ARPC2: variants seen among roughly 807,000 people sequenced by gnomAD.
The protein encoded by ARPC2 is actin related protein 2/3 complex subunit 2.
Under a neutral mutation model 38.6 loss-of-function variants are expected in ARPC2, and 4 were observed. That is an observed-to-expected ratio of 0.10 (90% CI 0.05 to 0.24). The LOEUF (loss-of-function observed/expected upper bound fraction) is 0.24, where lower values mean the gene tolerates loss of function less well. Among genes scored for constraint, ARPC2 ranks in the 10% least tolerant of loss-of-function variants. The probability of loss-of-function intolerance (pLI) is 1.00; values close to 1 mark genes in which losing one functional copy is unlikely to be tolerated. For synonymous variants in ARPC2, 125 were observed against 140.8 expected (o/e 0.89, Z 0.79); for missense variants, 229 against 387.3 (o/e 0.59, Z 3.43).
chr2:218,224,217 G>GT (rs1689446303), intron 2 of ARPC2, among the ~76,000 whole-genome samples: 3 of 152,306 alleles, frequency 2.0e-5, no homozygotes, highest in African/African-American at 7.2e-5. Context: ...CTCAAAGTGT[G>GT]TATGACTTGG....
intron 10 of ARPC2, among the ~76,000 whole-genome samples, chr2:218,251,245 C>G (rs1487750457): frequency 6.6e-6 from 1 of 151,714 alleles, no homozygotes; most frequent in East Asian, 1.9e-4. Context: ...GAGTTTCGCT[C>G]TTGAAGCACA....
At chr2:218,228,892 C>T (rs975920702) in intron 4 of ARPC2, 42 bp downstream of exon 4, 1 of 1,317,590 alleles carries the variant, frequency 7.6e-7, no homozygotes. Context: ...TGTTTCCTCA[C>T]CTTTCATTGG....
intron 7 of ARPC2, among the ~76,000 whole-genome samples, chr2:218,241,888 T>A (rs1689924478): frequency 6.6e-6 from 1 of 152,212 alleles, no homozygotes; most frequent in African/African-American, 2.4e-5. Context: ...AGGTAATTTG[T>A]TGGAAATGAC....
chr2:218,245,375 C>T (rs1690007158), intron 7 of ARPC2, 45 bp from the exon 8 acceptor site: 1 of 1,612,548 alleles, frequency 6.2e-7, no homozygotes, highest in African/African-American at 1.3e-5. Flanking sequence ...TGCCACTCAT[C>T]TTACACCCAC....
chr2:218,220,393 T>C (rs1182012556), intron 2 of ARPC2, among the ~76,000 whole-genome samples: 2 of 152,210 alleles, frequency 1.3e-5, no homozygotes, highest in African/African-American at 4.8e-5. Flanking sequence ...GAAATAAAAT[T>C]GAGTTCCTCG....
intron 4 of ARPC2, among the ~76,000 whole-genome samples, chr2:218,232,027 G>C (rs770883700): frequency 3.3e-5 from 5 of 152,126 alleles, no homozygotes; most frequent in Non-Finnish European, 5.9e-5. Context: ...ATTGCTTGAG[G>C]TCAGGATTTC....
chr2:218,245,643 A>G, intron 8 of ARPC2, 97 bp downstream of exon 8: 1 of 1,483,434 alleles, frequency 6.7e-7, no homozygotes, highest in Non-Finnish European at 9.1e-7. Context: ...ATTTTAAGGT[A>G]GGCAAACGCA....
intron 8 of ARPC2, among the ~76,000 whole-genome samples, chr2:218,247,609 G>T (rs1475098134): frequency 6.6e-6 from 1 of 152,118 alleles, no homozygotes; most frequent in Admixed American, 6.6e-5. Context: ...GACCACAGGC[G>T]TGTGCCACCA....
Position 218,254,127 on chromosome 2 carries a change from A to C in ARPC2, c.*212A>C. On this transcript the variant is annotated 3_prime_UTR_variant, in exon 11 of 11. Coordinates refer to ENST00000315717, the MANE Select transcript of ARPC2 (RefSeq NM_152862.3). The stretch of plus-strand genomic sequence containing the variant: ...AAGAATTAAAAAAAAAAAAAAAAGA[A>C]TTCCACTTGATCAACTTAATTCCTT... The C allele has an allele frequency of 1.9e-6, 1 of 531,478 alleles. No homozygotes were observed. Among genetic ancestry groups the C allele is most frequent in the Non-Finnish European group, 3.2e-6 (1 of 309,380 alleles). 32.9% of individuals were successfully genotyped at this position (531,478 alleles called of 1,614,324 possible).
chr2:218,249,118 A>T (rs1166724433), intron 8 of ARPC2, among the ~76,000 whole-genome samples: 1 of 152,178 alleles, frequency 6.6e-6, no homozygotes, highest in Non-Finnish European at 1.5e-5. Context: ...TCAGGAGTAG[A>T]ATGAAGGCCT....
chr2:218,253,364 G>A (rs1458501489), intron 10 of ARPC2, among the ~76,000 whole-genome samples: 2 of 152,180 alleles, frequency 1.3e-5, no homozygotes, highest in Non-Finnish European at 2.9e-5. Context: ...AACCAGGCAG[G>A]TGTTGTATAA....
chr2:218,226,891 T>C (rs1464252077), intron 3 of ARPC2: 1 of 380,560 alleles, frequency 2.6e-6, no homozygotes, highest in Non-Finnish European at 5.6e-6. Context: ...ACTAGAGTAG[T>C]AGGGAAACAT....
intron 10 of ARPC2, among the ~76,000 whole-genome samples, chr2:218,251,290 C>T (rs941914895): frequency 3.3e-5 from 5 of 152,316 alleles, no homozygotes; most frequent in East Asian, 1.9e-4. Flanking sequence ...TAGTTCACTA[C>T]GACCTCTGCC....
At chr2:218,226,586 G>A (rs1225263858) in intron 3 of ARPC2, among the ~76,000 whole-genome samples, 1 of 119,404 alleles carries the variant, frequency 8.4e-6, no homozygotes, top group Admixed American at 1.1e-4. Context: ...CAGACATCGC[G>A]CCACTGCACT....
intron 7 of ARPC2, 103 bp from the exon 8 acceptor site, chr2:218,245,317 G>T (rs1156970723): frequency 6.9e-7 from 1 of 1,445,446 alleles, no homozygotes; most frequent in Non-Finnish European, 9.5e-7. Context: ...TGCTGGTCTG[G>T]AGGGCTACAA....
rs961124915 is a variant in ARPC2, at chr2:218,249,726, T to A, written c.778-95T>A. The A allele has an allele frequency of 3.5e-5, 44 of 1,248,532 alleles. 2 individuals are homozygous for A. Among genetic ancestry groups the A allele is most frequent in the South Asian group, 1.8e-4 (13 of 73,812 alleles). The allele number at this position is 1,248,532 out of a possible 1,614,324, so 77.3% of individuals were successfully genotyped here. ...CCTGGGTCAATCCCAGGGTGTATGT[T>A]CCCAACCGCCCTTGATGACCTCTCT... On this transcript the variant is annotated intron_variant, in intron 9 of 10. Coordinates refer to ENST00000315717, the MANE Select transcript of ARPC2 (RefSeq NM_152862.3).
At position 218,249,479 on chromosome 2, in the gene ARPC2, A is replaced by G; in HGVS notation, c.777+15A>G. The G allele has an allele frequency of 1.9e-6, 3 of 1,558,546 alleles. No homozygotes were observed. Among genetic ancestry groups the G allele is most frequent in the Non-Finnish European group, 2.6e-6 (3 of 1,135,888 alleles). On this transcript the variant is annotated intron_variant, in intron 9 of 10. Coordinates refer to ENST00000315717, the MANE Select transcript of ARPC2 (RefSeq NM_152862.3). ...AGTGCTCTAAGGTGAGGGGGGTGCC[A>G]GCATCTCAGCCTCTATGCTCTGGGT...
intron 3 of ARPC2, chr2:218,227,214 C>A: frequency 3.1e-6 from 1 of 319,716 alleles, no homozygotes; most frequent in Non-Finnish European, 6.4e-6. Flanking sequence ...TTTCAGGAAC[C>A]TATTCCTAGT....
In ARPC2 at chr2:218,245,411, T is replaced by C; in HGVS notation, c.550-9T>C. 6.2e-7 allele frequency: 1 copy of C among 1,614,036 alleles called. No individual in the cohort carries two copies. Among genetic ancestry groups the C allele is most frequent in the Non-Finnish European group, 8.5e-7 (1 of 1,179,994 alleles). ...TTCTCTTCTGGTTGCTTTTGCTTTGTCTTGGCAGGAGTTCAAAGAAGGACG... is the reference window on the plus strand; with the variant it reads ...TTCTCTTCTGGTTGCTTTTGCTTTGCCTTGGCAGGAGTTCAAAGAAGGACG... On this transcript the variant is annotated splice_polypyrimidine_tract_variant and intron_variant, in intron 7 of 10. Transcript: ENST00000315717.
Sources: allele counts gnomAD v4.1 joint callset (sites outside exome capture counted in the v4.1 genomes callset), GRCh38; gene constraint gnomAD v4.1.1; transcripts MANE v1.5; gene names NCBI Gene and HGNC (gene_info 2026-07-23, HGNC 2026-07-21).